TMPRSS2: variants seen among roughly 807,000 people sequenced by gnomAD.
TMPRSS2 encodes transmembrane serine protease 2, also known as transmembrane protease serine 2.
Under a neutral mutation model 67.4 loss-of-function variants are expected in TMPRSS2, and 59 were observed. The observed-to-expected ratio is 0.88, with a 90% CI of 0.71 to 1.09. TMPRSS2 has a LOEUF of 1.09. Ranked by LOEUF, TMPRSS2 falls within the 50% of genes least tolerant of loss-of-function variation. The pLI is 0.00. For missense variants in TMPRSS2, 668 were observed against 642.7 expected (o/e 1.04, Z -0.43); for synonymous variants, 257 against 257.0 (o/e 1.00, Z 0.00).
intron 5 of TMPRSS2, among the ~76,000 whole-genome samples, chr21:41,481,100 T>C (rs1232016784): frequency 2.0e-5 from 3 of 152,222 alleles, no homozygotes; most frequent in Non-Finnish European, 4.4e-5. Context: ...ACAAGAGAAT[T>C]GAAAACAGGC....
intron 1 of TMPRSS2, among the ~76,000 whole-genome samples, chr21:41,507,518 C>G (rs1458919178): frequency 6.6e-6 from 1 of 152,164 alleles, no homozygotes; most frequent in Non-Finnish European, 1.5e-5. Flanking sequence ...CAGCGGTCCC[C>G]GCCGCGCCGG....
intron 3 of TMPRSS2, among the ~76,000 whole-genome samples, chr21:41,492,090 G>A (rs968982860): frequency 6.6e-6 from 1 of 152,264 alleles, no homozygotes; most frequent in African/African-American, 2.4e-5. Flanking sequence ...CTACTCAGGA[G>A]GCTGAGGCAG....
Position 41,508,134 on chromosome 21 carries a change from C to A in TMPRSS2, c.-110G>T. On this transcript the variant is annotated 5_prime_UTR_variant, in exon 1 of 14. Transcript: ENST00000332149. ...CCCTCGCCCTCCGCCTCCGCCTCCG[C>A]CTCCTGCTTAGCTCGCGCCTACTCG... The A allele has an allele frequency of 2.2e-6, 2 of 903,352 alleles. No homozygotes were observed. Among genetic ancestry groups the A allele is most frequent in the South Asian group, 5.9e-5 (2 of 33,698 alleles). The allele number at this position is 903,352 out of a possible 1,614,324, so 56.0% of individuals were successfully genotyped here.
intron 4 of TMPRSS2, among the ~76,000 whole-genome samples, chr21:41,489,166 T>C (rs1371775577): frequency 6.6e-6 from 1 of 152,146 alleles, no homozygotes; most frequent in Non-Finnish European, 1.5e-5. Context: ...CAGGCTGCAG[T>C]TGCAGGAGGT....
chr21:41,483,034 T>C (rs1479713270), intron 5 of TMPRSS2, among the ~76,000 whole-genome samples: 1 of 152,144 alleles, frequency 6.6e-6, no homozygotes, highest in African/African-American at 2.4e-5. Context: ...TGTACAGCAT[T>C]ATGCATTTGT....
chr21:41,493,057 C>T (rs570735661), intron 3 of TMPRSS2, among the ~76,000 whole-genome samples: 20 of 152,150 alleles, frequency 1.3e-4, no homozygotes, highest in Non-Finnish European at 2.6e-4. Context: ...GCAGCATCCC[C>T]GGTGCCTACC....
intron 3 of TMPRSS2, among the ~76,000 whole-genome samples, chr21:41,492,917 C>T (rs2091349343): frequency 6.6e-6 from 1 of 152,334 alleles, no homozygotes; most frequent in South Asian, 2.1e-4. Flanking sequence ...TCCTTATCCC[C>T]TTCACCCTGG....
intron 1 of TMPRSS2, among the ~76,000 whole-genome samples, chr21:41,506,174 C>A (rs1164744990): frequency 2.0e-5 from 3 of 152,216 alleles, no homozygotes; most frequent in Non-Finnish European, 4.4e-5. Context: ...ACCTGGGAGG[C>A]CCTGCCTGAG....
Position 41,479,069 on chromosome 21 carries a change from C to T in TMPRSS2, c.683+103G>A, listed in dbSNP as rs868381449. ...CTCCCAATGCAAAACCCATCCAGACCGAGTATTGCAGCTCAGAGAAATCAG... is the reference window on the plus strand; with the variant it reads ...CTCCCAATGCAAAACCCATCCAGACTGAGTATTGCAGCTCAGAGAAATCAG... On this transcript the variant is annotated intron_variant, in intron 7 of 13. Coordinates refer to ENST00000332149, the MANE Select transcript of TMPRSS2 (RefSeq NM_005656.4). The T allele has an allele frequency of 8.4e-5, 74 of 882,736 alleles. 1 individual carries two copies. The African/African-American group carries it at 9.7e-4, about 12-fold the overall frequency. The allele number at this position is 882,736 out of a possible 1,614,324, so 54.7% of individuals were successfully genotyped here.
intron 3 of TMPRSS2, among the ~76,000 whole-genome samples, chr21:41,490,688 A>G (rs928466220): frequency 6.6e-6 from 1 of 152,266 alleles, no homozygotes; most frequent in East Asian, 1.9e-4. Flanking sequence ...CACAGAGTTC[A>G]GAAGACAGCT....
In TMPRSS2 at chr21:41,465,081, C is replaced by G; in HGVS notation, c.*1061G>C. 1.7e-5 allele frequency: 4 copies of G among 233,540 alleles called. No homozygotes were observed. Among genetic ancestry groups the G allele is most frequent in the Non-Finnish European group, 3.4e-5 (4 of 118,056 alleles). 14.5% of individuals were successfully genotyped at this position (233,540 alleles called of 1,614,324 possible). A position where few individuals can be genotyped will look rare whatever the true frequency, so the allele number is the denominator to read the frequency against. The stretch of plus-strand genomic sequence containing the variant: ...TGCTTCAGCACATTCATTTATAGAA[C>G]GTTAAGTCAGGAGCCAGTCATTTTG... On this transcript the variant is annotated 3_prime_UTR_variant, in exon 14 of 14. Transcript: ENST00000332149.
At chr21:41,477,875 GCCTCCCCCCACCACCACCA>G (rs2091226846) in intron 7 of TMPRSS2, among the ~76,000 whole-genome samples, 1 of 138,786 alleles carries the variant, frequency 7.2e-6, no homozygotes, top group Non-Finnish European at 1.6e-5. Flanking sequence ...AAAGAAGTGC[GCCTCCCCCCACCACCACCA>G]CCGAGATAGA....
At chr21:41,476,339 T>C (rs1267443768) in intron 8 of TMPRSS2, among the ~76,000 whole-genome samples, 2 of 152,128 alleles carry the variant, frequency 1.3e-5, no homozygotes, top group Non-Finnish European at 2.9e-5. Context: ...TTTGTCAGCT[T>C]CTTGAGCGTG....
chr21:41,483,694 CT>C (rs1179195180), intron 5 of TMPRSS2, among the ~76,000 whole-genome samples: 1 of 151,800 alleles, frequency 6.6e-6, no homozygotes, highest in Non-Finnish European at 1.5e-5. Context: ...TTTTCTTTCC[CT>C]TCCAGCTATC....
chr21:41,493,074 C>T (rs1388706295), intron 3 of TMPRSS2, among the ~76,000 whole-genome samples: 2 of 152,170 alleles, frequency 1.3e-5, no homozygotes, highest in African/African-American at 4.8e-5. Flanking sequence ...TACCTAGGAG[C>T]AGCACCCCCT....
intron 11 of TMPRSS2, among the ~76,000 whole-genome samples, 156 bp downstream of exon 11, chr21:41,470,492 C>A (rs996513018): frequency 1.3e-5 from 2 of 152,202 alleles, no homozygotes; most frequent in African/African-American, 4.8e-5. Flanking sequence ...TCCCACTTAG[C>A]AGATGGAGAA....
intron 5 of TMPRSS2, among the ~76,000 whole-genome samples, chr21:41,481,218 G>T (rs542746297): frequency 1.3e-5 from 2 of 152,294 alleles, no homozygotes; most frequent in South Asian, 4.1e-4. Flanking sequence ...AATAGGATAT[G>T]TCCAAGATAC....
At position 41,488,470 on chromosome 21, in the gene TMPRSS2, T is replaced by C. The variant is rs755412532; in HGVS notation, c.369A>G (p.Ser123=). 3 of 1,613,720 alleles carry C rather than the reference T, an allele frequency of 1.9e-6. No homozygotes were observed. Among genetic ancestry groups the C allele is most frequent in the Admixed American group, 1.7e-5 (1 of 59,992 alleles). ...AGTTAGAGGGGTTGATGCAGGTACCTGAGGAGTCGCACTCTATCCCAGAGT... is the reference window on the plus strand; with the variant it reads ...AGTTAGAGGGGTTGATGCAGGTACCCGAGGAGTCGCACTCTATCCCAGAGT... ...CSNSGIECDS[S]GTCINPSNWC... is the part of the protein sequence containing the mutation. Residue 123 remains serine, a synonymous_variant, in exon 5 of 14, where the codon TCA becomes TCG. Transcript: ENST00000332149.
In TMPRSS2 at chr21:41,479,296, C is replaced by T. The variant is rs752564504; in HGVS notation, c.573-14G>A. On this transcript the variant is annotated splice_polypyrimidine_tract_variant and intron_variant, in intron 6 of 13. Transcript: ENST00000332149. ...TAAAAATTATTCCTAAAAAAGAAAA[C>T]CTTATTTGTGATAATGGTTAAGGCA... The T allele has an allele frequency of 3.1e-6, 5 of 1,598,520 alleles. No individual in the cohort carries two copies. In the South Asian group the frequency reaches 4.4e-5, roughly 14 times the overall value.
Sources: allele counts gnomAD v4.1 joint callset (sites outside exome capture counted in the v4.1 genomes callset), GRCh38; gene constraint gnomAD v4.1.1; transcripts MANE v1.5; gene names NCBI Gene and HGNC (gene_info 2026-07-23, HGNC 2026-07-21).